TRPM7: variants seen among roughly 807,000 people sequenced by gnomAD.
The protein encoded by TRPM7 is transient receptor potential cation channel subfamily M member 7.
In TRPM7, 134 loss-of-function variants were observed where a neutral mutation model predicts 229.7. The observed-to-expected ratio is 0.58, with a 90% CI of 0.51 to 0.67. The LOEUF (loss-of-function observed/expected upper bound fraction) is 0.67. TRPM7 is among the 30% of genes least tolerant of loss of function. The pLI, the probability that TRPM7 is intolerant of heterozygous loss-of-function variation, is 0.00. For missense variants in TRPM7, 1,901 were observed against 2,210.0 expected (o/e 0.86, Z 2.80); for synonymous variants, 699 against 715.2 (o/e 0.98, Z 0.36).
At chr15:50,684,617 G>A (rs989948622) in intron 1 of TRPM7, among the ~76,000 whole-genome samples, 2 of 151,854 alleles carry the variant, frequency 1.3e-5, no homozygotes, top group Admixed American at 6.6e-5. Context: ...CTCAGCCTGG[G>A]CAACAGAGCG....
intron 30 of TRPM7, 152 bp downstream of exon 30, chr15:50,580,722 C>CT (rs1243608772): frequency 1.8e-6 from 1 of 566,284 alleles, no homozygotes; most frequent in East Asian, 3.1e-5. Context: ...ACTTGTTCCC[C>CT]TAATCTCATC....
chr15:50,640,862 G>A (rs2061081504), intron 5 of TRPM7, among the ~76,000 whole-genome samples: 1 of 152,164 alleles, frequency 6.6e-6, no homozygotes, highest in African/African-American at 2.4e-5. Flanking sequence ...ACAGTGTGAA[G>A]ATGACCATGT....
intron 1 of TRPM7, among the ~76,000 whole-genome samples, chr15:50,676,675 G>A (rs2062100271): frequency 6.6e-6 from 1 of 152,082 alleles, no homozygotes; most frequent in African/African-American, 2.4e-5. Context: ...TATTGAGTGA[G>A]TTTCCCAATT....
intron 36 of TRPM7, among the ~76,000 whole-genome samples, chr15:50,571,169 A>T (rs1183310594): frequency 6.6e-6 from 1 of 152,206 alleles, no homozygotes; most frequent in Non-Finnish European, 1.5e-5. Flanking sequence ...AAAAGGAAAA[A>T]CCAGAATTAA....
At chr15:50,636,888 G>GAAA (rs2060923440) in intron 7 of TRPM7, among the ~76,000 whole-genome samples, 1 of 152,114 alleles carries the variant, frequency 6.6e-6, no homozygotes, top group Non-Finnish European at 1.5e-5. Flanking sequence ...CCAGCTCTTT[G>GAAA]GGAGGCCGAG....
At chr15:50,684,109 G>A (rs1054403897) in intron 1 of TRPM7, among the ~76,000 whole-genome samples, 9 of 151,138 alleles carry the variant, frequency 6.0e-5, no homozygotes, top group African/African-American at 1.5e-4. Flanking sequence ...TCAGCCTGTC[G>A]CCGCCTCCCA....
intron 28 of TRPM7, among the ~76,000 whole-genome samples, chr15:50,585,050 A>ATTT (rs755433337): frequency 0.02 from 1,880 of 94,956 alleles, 116 homozygotes; most frequent in African/African-American, 0.054. Flanking sequence ...TAATTTTTGT[A>ATTT]TTTTTTTTTT....
chr15:50,592,113 G>A lies in TRPM7; in HGVS notation c.4122C>T (p.Leu1374=). 6.2e-7 allele frequency: 1 copy of A among 1,610,546 alleles called. No individual in the cohort carries two copies. Among genetic ancestry groups the A allele is most frequent in the Non-Finnish European group, 8.5e-7 (1 of 1,178,974 alleles). ...ELRQRLHGVE[L]LKIFNKNQKL... is the part of the protein sequence containing the mutation. ...TTTGATTTTTATTAAATATTTTTAA[G>A]AGTTCTACCCCATGTAGTCTCTGTC... The change falls in exon 26 of 39, where the codon CTC becomes CTT. Residue 1374 remains leucine (L), a synonymous_variant. Coordinates refer to ENST00000646667, the MANE Select transcript of TRPM7 (RefSeq NM_017672.6).
At chr15:50,674,714 A>T (rs1270989309) in intron 1 of TRPM7, among the ~76,000 whole-genome samples, 1 of 152,180 alleles carries the variant, frequency 6.6e-6, no homozygotes, top group Non-Finnish European at 1.5e-5. Context: ...ATTTCTTGTA[A>T]CACAGGTCTA....
rs372634461 is a variant in TRPM7 at position 50,677,373 on chromosome 15, CG to C, written c.3+9157del. Among the ~76,000 whole-genome samples, 1,201 of 152,044 alleles carry C rather than the reference CG, an allele frequency of 7.9e-3. 20 individuals carry two copies. The highest frequency in any genetic ancestry group is 0.028 in the African/African-American group (1,150 of 41,498). ...GTTAGGGCTTCAAGATATGAATTCTCGGGGAGCGAGGGAGATCACATTCAGT... is the reference window on the plus strand; with the variant it reads ...GTTAGGGCTTCAAGATATGAATTCTCGGGAGCGAGGGAGATCACATTCAGT... On this transcript the variant is annotated intron_variant, in intron 1 of 38. Coordinates refer to ENST00000646667, the MANE Select transcript of TRPM7 (RefSeq NM_017672.6).
Position 50,645,058 on chromosome 15 carries a change from T to C in TRPM7, c.322-1505A>G, listed in dbSNP as rs999370307. Among the ~76,000 whole-genome samples, 8 of 151,782 alleles carry C rather than the reference T, an allele frequency of 5.3e-5. No homozygotes were observed. In the East Asian group the frequency reaches 1.6e-3, roughly 30 times the overall value. ...CTGGGACTACAGACACAGGGCACCC[T>C]GCGTAGCTAATTTTTTAAATATTTT... On this transcript the variant is annotated intron_variant, in intron 4 of 38. Transcript: ENST00000646667.
In TRPM7 at chr15:50,654,390, T is replaced by C. The variant is rs188538235; in HGVS notation, c.122+3391A>G. 2.0e-3 allele frequency among the ~76,000 whole-genome samples: 298 copies of C among 151,232 alleles called. 2 individuals carry two copies. Among genetic ancestry groups the C allele is most frequent in the African/African-American group, 6.6e-3 (275 of 41,400 alleles). On this transcript the variant is annotated intron_variant, in intron 3 of 38. Transcript: ENST00000646667. ...TGAACCCGGGAGGCAGAGGGTGCAG[T>C]GAGCTGAGATTGCAGCACTGCACTC...
intron 1 of TRPM7, among the ~76,000 whole-genome samples, chr15:50,676,902 G>A (rs73397449): frequency 0.02 from 3,085 of 152,236 alleles, 121 homozygotes; most frequent in African/African-American, 0.071. Context: ...ACTGACCCAT[G>A]AAGATCGTAC....
rs760784353 is a variant in TRPM7, at chr15:50,609,724, C to T, written c.2437G>A (p.Glu813Lys). Residue 813 changes from glutamate to lysine, a missense_variant and splice_region_variant, in exon 19 of 39, where the codon GAA becomes AAA. Physicochemically the swap from Glu to Lys is moderately conservative, Grantham distance 56. Transcript: ENST00000646667. ...FQNITEEIPM[E>K]VFKEVRILDS... is the part of the protein sequence containing the mutation. ...AAAATCCGTACTTCTTTAAACACTT[C>T]CTAAAATTAAAAAAAAAAAAATTCT... is the stretch of plus-strand genomic sequence containing the variant. The T allele has an allele frequency of 3.2e-6, 5 of 1,550,200 alleles. No homozygotes were observed. The highest frequency in any genetic ancestry group is 2.1e-5 in the Admixed American group (1 of 48,416).
In TRPM7 at chr15:50,558,835, G is replaced by A. The variant is rs2053212087; in HGVS notation, c.*2843C>T. On this transcript the variant is annotated 3_prime_UTR_variant, in exon 39 of 39. Coordinates refer to ENST00000646667, the MANE Select transcript of TRPM7 (RefSeq NM_017672.6). ...TTGAGCCCAGGAGTTTACGGCTGCA[G>A]TGAGCTATGATCACGCTACTACACT... is the stretch of plus-strand genomic sequence containing the variant. 1 of 151,920 alleles carries A rather than the reference G, an allele frequency of 6.6e-6. No homozygotes were observed. The highest frequency in any genetic ancestry group is 1.5e-5 in the Non-Finnish European group (1 of 68,046). The allele number at this position is 151,920 out of a possible 1,614,324, so 9.4% of individuals were successfully genotyped here.
chr15:50,649,262 C>T (rs7181376), intron 3 of TRPM7, among the ~76,000 whole-genome samples: 4,357 of 151,952 alleles, frequency 0.029, 232 homozygotes, highest in African/African-American at 0.1. Flanking sequence ...CACAGCAAGA[C>T]CCTGACTTGA....
chr15:50,573,096 A>G (rs1052649661), intron 36 of TRPM7, among the ~76,000 whole-genome samples: 42 of 151,796 alleles, frequency 2.8e-4, no homozygotes, highest in African/African-American at 1.0e-3. Context: ...TTTTTCTTTT[A>G]TATGTATGAA....
At chr15:50,680,731 CCTTAA>C (rs1191682325) in intron 1 of TRPM7, among the ~76,000 whole-genome samples, 1 of 151,916 alleles carries the variant, frequency 6.6e-6, no homozygotes, top group Non-Finnish European at 1.5e-5. Flanking sequence ...TTAAAAAAAA[CCTTAA>C]CTTTTTTAAC....
At chr15:50,664,749 C>T (rs1567111714) in intron 1 of TRPM7, among the ~76,000 whole-genome samples, 2 of 152,084 alleles carry the variant, frequency 1.3e-5, no homozygotes, top group Non-Finnish European at 2.9e-5. Flanking sequence ...TGGCTTGAGT[C>T]TGTGAGTTCA....
Sources: gnomAD v4.1 joint callset for allele counts (sites outside exome capture counted in the v4.1 genomes callset) on GRCh38, gnomAD v4.1.1 for gene constraint, MANE v1.5 for transcripts, NCBI Gene and HGNC (gene_info 2026-07-23, HGNC 2026-07-21) for gene names.